Variants in TENM1 observed in about 807,000 individuals in gnomAD.
The protein encoded by TENM1 is teneurin transmembrane protein 1.
In TENM1, 35 loss-of-function variants were observed where a neutral mutation model predicts 174.8. The ratio of observed to expected loss-of-function variants is 0.20; its 90% CI spans 0.15 to 0.27. TENM1 has a LOEUF of 0.27. Among genes scored for constraint, TENM1 ranks in the 10% least tolerant of loss-of-function variants. The probability of loss-of-function intolerance (pLI) is 1.00; values close to 1 mark genes in which losing one functional copy is unlikely to be tolerated. For missense variants in TENM1, 1,633 were observed against 2,130.1 expected (o/e 0.77, Z 4.59); for synonymous variants, 781 against 798.7 (o/e 0.98, Z 0.37).
intron 3 of TENM1, among the ~76,000 whole-genome samples, chrX:124,860,861 A>G (rs903347316): frequency 1.8e-5 from 2 of 111,465 alleles, no homozygotes; most frequent in Non-Finnish European, 3.8e-5. Flanking sequence ...GAACGTGATA[A>G]AAAAAAATTC....
intron 27 of TENM1, among the ~76,000 whole-genome samples, chrX:124,395,658 T>C (rs963000532): frequency 8.9e-6 from 1 of 111,860 alleles, no homozygotes; most frequent in East Asian, 2.8e-4. Flanking sequence ...TTATGTGTTG[T>C]TATGTGCACC....
At chrX:124,477,106 A>G (rs747939141) in intron 22 of TENM1, among the ~76,000 whole-genome samples, 3 of 112,254 alleles carry the variant, frequency 2.7e-5, no homozygotes, top group Non-Finnish European at 5.6e-5. Flanking sequence ...TTTTCCTTCA[A>G]ACAAAATTTG....
chrX:124,605,284 T>C lies in TENM1; in HGVS notation c.2077+36507A>G, dbSNP rs184065804. Among the ~76,000 whole-genome samples, 747 of 104,847 alleles carry C rather than the reference T, an allele frequency of 7.1e-3. 4 individuals carry two copies. Among genetic ancestry groups the C allele is most frequent in the Non-Finnish European group, 9.6e-3 (489 of 51,024 alleles). The allele number at this position is 104,847 out of a possible 115,157, so 91.0% of individuals were successfully genotyped here. A position where few individuals can be genotyped will look rare whatever the true frequency, so the allele number is the denominator to read the frequency against. ...TACTACTTTTGACTAGGTGACTTTA[T>C]GTGTATAAGAACGGTTTCATCCTTT... On this transcript the variant is annotated intron_variant, in intron 11 of 31. Transcript: ENST00000422452.
the TENM1 span, among the ~76,000 whole-genome samples, chrX:125,177,622 G>A: frequency 8.9e-6 from 1 of 112,046 alleles, no homozygotes; most frequent in Admixed American, 9.5e-5. Context: ...AAGGTGAAAT[G>A]GAGGTCTGTG....
intron 18 of TENM1, among the ~76,000 whole-genome samples, chrX:124,519,395 G>GTCTC (rs764225363): frequency 9.2e-6 from 1 of 108,517 alleles, no homozygotes; most frequent in African/African-American, 3.3e-5. Context: ...AGAGTCATTA[G>GTCTC]TCTCTCTCTC....
intron 25 of TENM1, among the ~76,000 whole-genome samples, chrX:124,415,203 A>C (rs5911832): frequency 0.33 from 37,129 of 111,143 alleles, 5,003 homozygotes; most frequent in African/African-American, 0.49. Context: ...GGAATTAGTC[A>C]CATTATGAAG....
At chrX:124,879,792 T>G (rs974017354) in intron 3 of TENM1, among the ~76,000 whole-genome samples, 1 of 112,474 alleles carries the variant, frequency 8.9e-6, no homozygotes, top group African/African-American at 3.2e-5. Flanking sequence ...CTATTTTTTG[T>G]CTTTTTAATA....
intron 1 of TENM1, among the ~76,000 whole-genome samples, chrX:124,940,951 C>A (rs1341759409): frequency 1.8e-5 from 2 of 111,373 alleles, no homozygotes; most frequent in Non-Finnish European, 3.8e-5. Flanking sequence ...AATATTTATT[C>A]ATTGCCACTG....
intron 1 of TENM1, among the ~76,000 whole-genome samples, chrX:124,950,206 GAACCCAAATTGCT>G (rs1213161758): frequency 9.0e-6 from 1 of 111,636 alleles, no homozygotes; most frequent in Admixed American, 9.5e-5. Context: ...AGAGCAATTT[GAACCCAAATTGCT>G]ATTAGTTCAG....
intron 1 of TENM1, among the ~76,000 whole-genome samples, chrX:124,961,515 G>A (rs1234599813): frequency 1.8e-5 from 2 of 110,794 alleles, no homozygotes; most frequent in Non-Finnish European, 3.8e-5. Flanking sequence ...ATGGAGGCGC[G>A]TACCTGAAAT....
chrX:124,506,075 C>T (rs1177269873), intron 18 of TENM1, among the ~76,000 whole-genome samples: 1 of 111,708 alleles, frequency 9.0e-6, no homozygotes, highest in Non-Finnish European at 1.9e-5. Context: ...ATAATCACAA[C>T]GACAATAATT....
intron 11 of TENM1, among the ~76,000 whole-genome samples, chrX:124,640,869 G>A (rs1354024783): frequency 4.8e-5 from 5 of 105,249 alleles, no homozygotes; most frequent in African/African-American, 1.8e-4. Context: ...GCTGAGGCAG[G>A]AGAATCACTT....
chrX:124,540,621 A>G (rs1438177779), intron 15 of TENM1, among the ~76,000 whole-genome samples: 1 of 111,863 alleles, frequency 8.9e-6, no homozygotes, highest in African/African-American at 3.3e-5. Context: ...TGTTACATTA[A>G]ACAAGTTATG....
intron 3 of TENM1, among the ~76,000 whole-genome samples, chrX:124,890,754 T>C (rs2057460740): frequency 9.0e-6 from 1 of 110,540 alleles, no homozygotes; most frequent in African/African-American, 3.3e-5. Context: ...ACAGTCACCA[T>C]GAAGAGCAGT....
At chrX:124,790,835 C>T (rs534667770) in intron 3 of TENM1, among the ~76,000 whole-genome samples, 1 of 110,863 alleles carries the variant, frequency 9.0e-6, no homozygotes, top group Non-Finnish European at 1.9e-5. Context: ...TTATAGAATA[C>T]TTATTTATAT....
At chrX:125,138,448 C>G in the TENM1 span, among the ~76,000 whole-genome samples, 1 of 111,529 alleles carries the variant, frequency 9.0e-6, no homozygotes, top group African/African-American at 3.3e-5. Context: ...TAACTAGCCT[C>G]CTTTCCTCAT....
chrX:124,897,312 C>T (rs1308783179), intron 1 of TENM1, among the ~76,000 whole-genome samples: 1 of 111,506 alleles, frequency 9.0e-6, no homozygotes, highest in East Asian at 2.8e-4. Context: ...ATAAGGTAAT[C>T]CGGAGATGTA....
intron 3 of TENM1, among the ~76,000 whole-genome samples, chrX:124,839,569 C>A (rs1451107517): frequency 9.0e-6 from 1 of 111,245 alleles, no homozygotes; most frequent in Non-Finnish European, 1.9e-5. Context: ...ATGGAATACT[C>A]AGTGTACAAA....
At chrX:124,679,448 G>A (rs910646349) in intron 5 of TENM1, among the ~76,000 whole-genome samples, 6 of 111,575 alleles carry the variant, frequency 5.4e-5, no homozygotes, top group African/African-American at 2.0e-4. Context: ...AACTCCCGTG[G>A]GAAGCAATTT....
Sources: allele counts gnomAD v4.1 joint callset (sites outside exome capture counted in the v4.1 genomes callset), GRCh38; gene constraint gnomAD v4.1.1; transcripts MANE v1.5; gene names NCBI Gene and HGNC (gene_info 2026-07-23, HGNC 2026-07-21).